Variants in NRIP1 observed in about 807,000 individuals in gnomAD.
The protein encoded by NRIP1 is nuclear receptor interacting protein 1.
In NRIP1, 28 loss-of-function variants were observed where a neutral mutation model predicts 75.0. The observed-to-expected ratio is 0.37, with a 90% CI of 0.28 to 0.51. The LOEUF is 0.51. Among genes scored for constraint, NRIP1 ranks in the 20% least tolerant of loss-of-function variants. The probability of loss-of-function intolerance (pLI) is 0.92; values close to 1 mark genes in which losing one functional copy is unlikely to be tolerated. For synonymous variants in NRIP1, 526 were observed against 487.6 expected (o/e 1.08, Z -1.04); for missense variants, 1,435 against 1,343.7 (o/e 1.07, Z -1.06).
At chr21:15,027,878 T>G (rs1005108774) in intron 2 of NRIP1, among the ~76,000 whole-genome samples, 3 of 152,174 alleles carry the variant, frequency 2.0e-5, no homozygotes, top group Admixed American at 2.0e-4. Context: ...TTAATCCATT[T>G]TAAAGAGCAA....
chr21:14,967,279 T>G lies in NRIP1; in HGVS notation c.914A>C (p.Gln305Pro). The G allele has an allele frequency of 6.2e-7, 1 of 1,613,984 alleles. No homozygotes were observed. ...SERLAAMARL[Q>P]ENGQKDVGSY... Reference sequence around the variant, plus strand: ...GCCAACATCCTTCTGGCCATTTTCTTGCAATCTGGCCATAGCAGCAAGTCT... The same window carrying G: ...GCCAACATCCTTCTGGCCATTTTCTGGCAATCTGGCCATAGCAGCAAGTCT... The change falls in exon 4 of 4, where the codon CAA (glutamine) becomes CCA (proline). Residue 305 changes from glutamine to proline, a missense_variant. By Grantham distance (76) the Gln-to-Pro change is moderately conservative. Coordinates refer to ENST00000318948, the MANE Select transcript of NRIP1 (RefSeq NM_003489.4).
At chr21:15,045,417 T>C (rs2089049877) in intron 1 of NRIP1, among the ~76,000 whole-genome samples, 1 of 152,250 alleles carries the variant, frequency 6.6e-6, no homozygotes, top group South Asian at 2.1e-4. Flanking sequence ...TACTATAGTC[T>C]ATTAAGTGTG....
chr21:14,997,958 G>C (rs1254519310), intron 3 of NRIP1, among the ~76,000 whole-genome samples: 1 of 152,036 alleles, frequency 6.6e-6, no homozygotes, highest in Non-Finnish European at 1.5e-5. Context: ...GTAATTGGAA[G>C]GAAAGGGTTA....
chr21:14,988,439 AG>A (rs2087466865), intron 3 of NRIP1, among the ~76,000 whole-genome samples: 1 of 148,474 alleles, frequency 6.7e-6, no homozygotes, highest in South Asian at 2.1e-4. Flanking sequence ...ATAGATAGAT[AG>A]ATAGATAGAT....
intron 3 of NRIP1, among the ~76,000 whole-genome samples, chr21:14,982,650 C>T (rs1810404): frequency 0.2 from 29,555 of 151,350 alleles, 3,178 homozygotes; most frequent in Non-Finnish European, 0.24. Flanking sequence ...TACGGTCACA[C>T]GTCATTTTAT....
Position 14,962,337 on chromosome 21 carries a change from C to T in NRIP1, c.*2379G>A, listed in dbSNP as rs1056947. The T allele has an allele frequency of 0.17, 26,502 of 151,956 alleles. 2,505 individuals carry two copies. The highest frequency in any genetic ancestry group is 0.26 in the Middle Eastern group (76 of 294). 9.4% of individuals were successfully genotyped at this position (151,956 alleles called of 1,614,324 possible). ...TCTAGTAAATCAGAACAGCATTCTT[C>T]GTGGTCATGTTTATTTAAGTATTAC... On this transcript the variant is annotated 3_prime_UTR_variant, in exon 4 of 4. Transcript: ENST00000318948.
At chr21:14,969,294 A>T (rs1411374192) in intron 3 of NRIP1, among the ~76,000 whole-genome samples, 2 of 152,188 alleles carry the variant, frequency 1.3e-5, no homozygotes, top group Non-Finnish European at 2.9e-5. Context: ...GTAAATCCTT[A>T]CTCATGTGCT....
Position 14,963,592 on chromosome 21 carries a change from A to G in NRIP1, c.*1124T>C, listed in dbSNP as rs1424679128. Reference sequence around the variant, plus strand: ...TTTTTTGTTTTTGTTTTACAGTCTCATGTTCTGAGGAAAGTCATAAGTCAT... The same window carrying G: ...TTTTTTGTTTTTGTTTTACAGTCTCGTGTTCTGAGGAAAGTCATAAGTCAT... On this transcript the variant is annotated 3_prime_UTR_variant, in exon 4 of 4. Coordinates refer to ENST00000318948, the MANE Select transcript of NRIP1 (RefSeq NM_003489.4). The G allele has an allele frequency of 6.6e-6, 1 of 152,276 alleles. No homozygotes were observed. Among genetic ancestry groups the G allele is most frequent in the African/African-American group, 2.4e-5 (1 of 41,438 alleles). The allele number at this position is 152,276 out of a possible 1,614,324, so 9.4% of individuals were successfully genotyped here. A position where few individuals can be genotyped will look rare whatever the true frequency, so the allele number is the denominator to read the frequency against.
rs1411355132 is a variant in NRIP1, at chr21:14,967,212, A to G, written c.981T>C (p.Gly327=). ...LPKGMSSHLN[G]QARTSSSKLM... is the part of the protein sequence containing the mutation. ...GTTTGCTTGATGATGTTCTTGCCTG[A>G]CCATTAAGATGGCTTGACATTCCTT... The change falls in exon 4 of 4, where the codon GGT becomes GGC. Residue 327 remains glycine (G), a synonymous_variant. Coordinates refer to ENST00000318948, the MANE Select transcript of NRIP1 (RefSeq NM_003489.4). 2 of 1,613,902 alleles carry G rather than the reference A, an allele frequency of 1.2e-6. No individual in the cohort carries two copies. The highest frequency in any genetic ancestry group is 1.7e-6 in the Non-Finnish European group (2 of 1,179,998).
chr21:14,977,890 G>A (rs2087118167), intron 3 of NRIP1, among the ~76,000 whole-genome samples: 1 of 152,196 alleles, frequency 6.6e-6, no homozygotes, highest in Non-Finnish European at 1.5e-5. Flanking sequence ...CATTTGAAAT[G>A]AGAACTGAGG....
In NRIP1 at chr21:14,965,832, A is replaced by G. The variant is rs777342798; in HGVS notation, c.2361T>C (p.Ala787=). ...KSAPFLGMAP[A]VQRSAPALPV... ...GTAAGGCAGGTGCGCTTCTCTGCACAGCAGGAGCCATACCCAAGAATGGGG... is the reference window on the plus strand; with the variant it reads ...GTAAGGCAGGTGCGCTTCTCTGCACGGCAGGAGCCATACCCAAGAATGGGG... The change falls in exon 4 of 4, where the codon GCT becomes GCC. Residue 787 remains alanine (A), a synonymous_variant. Transcript: ENST00000318948. The G allele has an allele frequency of 2.5e-6, 4 of 1,614,006 alleles. No homozygotes were observed. Among genetic ancestry groups the G allele is most frequent in the East Asian group, 2.2e-5 (1 of 44,870 alleles).
chr21:14,978,394 G>C (rs1391926400), intron 3 of NRIP1, among the ~76,000 whole-genome samples: 1 of 152,152 alleles, frequency 6.6e-6, no homozygotes, highest in Non-Finnish European at 1.5e-5. Context: ...AAATGGTTTT[G>C]AAATAGCCAC....
At chr21:15,058,927 G>T (rs1312048698) in intron 1 of NRIP1, among the ~76,000 whole-genome samples, 2 of 152,124 alleles carry the variant, frequency 1.3e-5, no homozygotes, top group African/African-American at 4.8e-5. Flanking sequence ...GAAAGTAAAA[G>T]TAAAATAATG....
At chr21:15,024,001 A>G (rs936819199) in intron 2 of NRIP1, among the ~76,000 whole-genome samples, 5 of 152,254 alleles carry the variant, frequency 3.3e-5, no homozygotes, top group South Asian at 2.1e-4. Context: ...GATGTCTAAC[A>G]TATAAACAAT....
chr21:14,980,459 C>G (rs556396961), intron 3 of NRIP1, among the ~76,000 whole-genome samples: 1 of 151,488 alleles, frequency 6.6e-6, no homozygotes, highest in African/African-American at 2.4e-5. Flanking sequence ...GGTGACAGAG[C>G]GAGACTCCGT....
At position 14,971,891 on chromosome 21, in the gene NRIP1, C is replaced by G. The variant is rs190267798; in HGVS notation, c.-334-3365G>C. ...GATTTAAAAGGAAGATGAATAATTG[C>G]TTCCAAAATATTCTAAGTCAAGGCA... On this transcript the variant is annotated intron_variant, in intron 3 of 3. Coordinates refer to ENST00000318948, the MANE Select transcript of NRIP1 (RefSeq NM_003489.4). Among the ~76,000 whole-genome samples the G allele has an allele frequency of 3.3e-3, 496 of 152,224 alleles. 1 individual carries two copies. The highest frequency in any genetic ancestry group is 0.011 in the African/African-American group (474 of 41,524).
chr21:15,042,961 T>C (rs547483311), intron 2 of NRIP1, among the ~76,000 whole-genome samples: 1 of 152,268 alleles, frequency 6.6e-6, no homozygotes, highest in East Asian at 1.9e-4. Context: ...TACCAATCTA[T>C]CCACAAATGA....
intron 3 of NRIP1, among the ~76,000 whole-genome samples, chr21:14,978,308 A>G (rs1489259636): frequency 6.6e-6 from 1 of 152,148 alleles, no homozygotes; most frequent in Non-Finnish European, 1.5e-5. Context: ...GAGAAAGATG[A>G]TATGCTGTCA....
intron 3 of NRIP1, among the ~76,000 whole-genome samples, chr21:15,002,948 A>T (rs1295222088): frequency 6.6e-6 from 1 of 152,200 alleles, no homozygotes; most frequent in Non-Finnish European, 1.5e-5. Context: ...AGCTATTTGA[A>T]AAATATTTTC....
Sources: gnomAD v4.1 joint callset for allele counts (sites outside exome capture counted in the v4.1 genomes callset) on GRCh38, gnomAD v4.1.1 for gene constraint, MANE v1.5 for transcripts, NCBI Gene and HGNC (gene_info 2026-07-23, HGNC 2026-07-21) for gene names.